The following UHRF2 variants were observed in gnomAD, a reference collection of about 807,000 sequenced individuals.
The protein encoded by UHRF2 is ubiquitin like with PHD and ring finger domains 2.
A neutral mutation model predicts 96.8 loss-of-function variants in UHRF2; 23 were observed. The observed-to-expected ratio is 0.24, with a 90% CI of 0.17 to 0.34. The LOEUF (loss-of-function observed/expected upper bound fraction) is 0.34, where lower values mean the gene tolerates loss of function less well. Among genes scored for constraint, UHRF2 ranks in the 10% least tolerant of loss-of-function variants. UHRF2 has a pLI of 1.00. For synonymous variants in UHRF2, 385 were observed against 332.6 expected (o/e 1.16, Z -1.72); for missense variants, 685 against 981.5 (o/e 0.70, Z 4.04).
intron 10 of UHRF2, 96 bp downstream of exon 10, chr9:6,494,028 A>G: frequency 9.5e-7 from 1 of 1,048,458 alleles, no homozygotes; most frequent in Non-Finnish European, 1.4e-6. Flanking sequence ...AGAATTTCAA[A>G]CTGGGAGTTA....
chr9:6,482,412 CAT>C (rs959420498), intron 8 of UHRF2, among the ~76,000 whole-genome samples: 13 of 152,152 alleles, frequency 8.5e-5, no homozygotes, highest in South Asian at 2.1e-4. Context: ...AAACTTGAAT[CAT>C]GTGGCAAATT....
At chr9:6,441,823 C>G (rs1159882676) in intron 3 of UHRF2, among the ~76,000 whole-genome samples, 2 of 151,452 alleles carry the variant, frequency 1.3e-5, no homozygotes, top group Non-Finnish European at 2.9e-5. Context: ...GCTAAATGAT[C>G]TGTAGTTGAC....
At chr9:6,456,396 T>C (rs1440394897) in intron 3 of UHRF2, among the ~76,000 whole-genome samples, 1 of 152,196 alleles carries the variant, frequency 6.6e-6, no homozygotes, top group Non-Finnish European at 1.5e-5. Context: ...TGTTTTTTTC[T>C]TGTGAATTTA....
chr9:6,461,520 A>G (rs1822542918), intron 4 of UHRF2, among the ~76,000 whole-genome samples: 1 of 151,128 alleles, frequency 6.6e-6, no homozygotes, highest in Non-Finnish European at 1.5e-5. Flanking sequence ...CTACAGGCGT[A>G]TGACACCACG....
At chr9:6,456,033 A>G (rs1375990081) in intron 3 of UHRF2, among the ~76,000 whole-genome samples, 1 of 152,210 alleles carries the variant, frequency 6.6e-6, no homozygotes, top group African/African-American at 2.4e-5. Flanking sequence ...ATAAAGCTTT[A>G]GGTTCAGGTC....
At chr9:6,452,515 T>C (rs1821933090) in intron 3 of UHRF2, among the ~76,000 whole-genome samples, 1 of 152,222 alleles carries the variant, frequency 6.6e-6, no homozygotes, top group African/African-American at 2.4e-5. Flanking sequence ...TTGGCAGAAA[T>C]ATGATATGGA....
At chr9:6,424,123 A>T (rs1820100072) in intron 2 of UHRF2, among the ~76,000 whole-genome samples, 1 of 76,828 alleles carries the variant, frequency 1.3e-5, no homozygotes, top group African/African-American at 3.0e-5. Flanking sequence ...ATTAGGCAGG[A>T]GAACAAAATA....
At chr9:6,500,273 A>G (rs187170569) in intron 13 of UHRF2, among the ~76,000 whole-genome samples, 113 of 152,284 alleles carry the variant, frequency 7.4e-4, no homozygotes, top group Admixed American at 2.4e-3. Flanking sequence ...CAGCCAACAT[A>G]CTTTTTAATA....
chr9:6,491,614 G>C (rs532708990), intron 9 of UHRF2, among the ~76,000 whole-genome samples: 1 of 152,336 alleles, frequency 6.6e-6, no homozygotes, highest in East Asian at 1.9e-4. Flanking sequence ...TGGGATAAAG[G>C]TCTTCCACCT....
At position 6,488,807 on chromosome 9, in the gene UHRF2, T is replaced by G. The variant is rs118135606; in HGVS notation, c.1497+1882T>G. ...ATGAGCTACCGTGCTGAGTGTTTTT[T>G]TTTTGTTTTGTTTTGTTTTTTTTGA... On this transcript the variant is annotated intron_variant, in intron 9 of 15. Coordinates refer to ENST00000276893, the MANE Select transcript of UHRF2 (RefSeq NM_152896.3). Among the ~76,000 whole-genome samples, 1,314 of 150,512 alleles carry G rather than the reference T, an allele frequency of 8.7e-3. 4 individuals carry two copies. The highest frequency in any genetic ancestry group is 0.036 in the South Asian group (170 of 4,766).
chr9:6,482,122 T>A (rs1242131805), intron 8 of UHRF2, 23 bp downstream of exon 8: 1 of 1,587,852 alleles, frequency 6.3e-7, no homozygotes, highest in Non-Finnish European at 8.6e-7. Flanking sequence ...TTGGGCTTAG[T>A]TGAAAGGGGA....
At chr9:6,414,081 G>T (rs1409068990) in intron 1 of UHRF2, 1 of 155,154 alleles carries the variant, frequency 6.4e-6, no homozygotes, top group African/African-American at 2.4e-5. Flanking sequence ...GGCTTCCGCG[G>T]CTCTTCCGCG....
At chr9:6,451,179 G>A (rs373914913) in intron 3 of UHRF2, among the ~76,000 whole-genome samples, 2 of 151,694 alleles carry the variant, frequency 1.3e-5, no homozygotes, top group East Asian at 1.9e-4. Context: ...GAAAAGTTAC[G>A]TGTTTTTTTT....
intron 10 of UHRF2, chr9:6,494,913 A>T (rs1047312757): frequency 2.0e-5 from 3 of 152,188 alleles, no homozygotes; most frequent in Non-Finnish European, 4.4e-5. Flanking sequence ...TGATAGTAGG[A>T]TTATTTTTAC....
At chr9:6,428,461 C>T (rs1438259332) in intron 2 of UHRF2, among the ~76,000 whole-genome samples, 2 of 146,086 alleles carry the variant, frequency 1.4e-5, no homozygotes, top group African/African-American at 2.5e-5. Context: ...TAATCTTTAA[C>T]TTATTTATGC....
chr9:6,483,908 C>T (rs1175902466), intron 8 of UHRF2, among the ~76,000 whole-genome samples: 3 of 152,090 alleles, frequency 2.0e-5, no homozygotes, highest in African/African-American at 7.2e-5. Flanking sequence ...AGGCTGGTCT[C>T]GAACTCCCAA....
chr9:6,433,196 C>G (rs905612974), intron 2 of UHRF2, among the ~76,000 whole-genome samples: 4 of 152,164 alleles, frequency 2.6e-5, no homozygotes, highest in African/African-American at 9.7e-5. Context: ...TTTCATAACT[C>G]TTAATTCTCT....
At chr9:6,416,298 C>T (rs1819596441) in intron 1 of UHRF2, among the ~76,000 whole-genome samples, 1 of 151,998 alleles carries the variant, frequency 6.6e-6, no homozygotes, top group African/African-American at 2.4e-5. Context: ...TAGGACAGGA[C>T]CTCAGGTGAT....
intron 4 of UHRF2, among the ~76,000 whole-genome samples, chr9:6,465,087 TG>T (rs1822778753): frequency 6.6e-6 from 1 of 152,174 alleles, no homozygotes; most frequent in South Asian, 2.1e-4. Flanking sequence ...ATTCACCAGT[TG>T]GGCCCTGAAT....
Sources: gnomAD v4.1 joint callset for allele counts (sites outside exome capture counted in the v4.1 genomes callset) on GRCh38, gnomAD v4.1.1 for gene constraint, MANE v1.5 for transcripts, NCBI Gene and HGNC (gene_info 2026-07-23, HGNC 2026-07-21) for gene names.